Variants in AGBL4 observed in about 807,000 individuals in gnomAD.
The protein encoded by AGBL4 is cytosolic carboxypeptidase 6.
A neutral mutation model predicts 66.4 loss-of-function variants in AGBL4; 58 were observed. The observed-to-expected ratio is 0.87, with a 90% CI of 0.71 to 1.09. AGBL4 has a LOEUF of 1.09. AGBL4 is among the 50% of genes least tolerant of loss of function. The probability of loss-of-function intolerance (pLI) is 0.00; values close to 1 mark genes in which losing one functional copy is unlikely to be tolerated. For missense variants in AGBL4, 579 were observed against 631.0 expected (o/e 0.92, Z 0.88); for synonymous variants, 234 against 222.9 (o/e 1.05, Z -0.44).
chr1:49,707,422 C>T (rs1647293965), intron 2 of AGBL4, among the ~76,000 whole-genome samples: 1 of 144,198 alleles, frequency 6.9e-6, no homozygotes, highest in Non-Finnish European at 1.5e-5. Flanking sequence ...TTCCTAAATC[C>T]CTTTATTTTG....
At chr1:48,885,390 C>T (rs1650222723) in intron 5 of AGBL4, among the ~76,000 whole-genome samples, 1 of 152,078 alleles carries the variant, frequency 6.6e-6, no homozygotes, top group Non-Finnish European at 1.5e-5. Flanking sequence ...TACTCTATTG[C>T]CCTATAAGAA....
In AGBL4 at chr1:49,285,922, T is replaced by C. The variant is rs189157510; in HGVS notation, c.283-40058A>G. ...GAGACACAACCAAAAAAGAGAATTTTACACCAATATCCTTGATGAACATTG... is the reference window on the plus strand; with the variant it reads ...GAGACACAACCAAAAAAGAGAATTTCACACCAATATCCTTGATGAACATTG... On this transcript the variant is annotated intron_variant, in intron 3 of 13. Transcript: ENST00000371839. Among the ~76,000 whole-genome samples, 50 of 152,284 alleles carry C rather than the reference T, an allele frequency of 3.3e-4. No individual in the cohort carries two copies. In the East Asian group the frequency reaches 9.5e-3, roughly 29 times the overall value.
intron 2 of AGBL4, among the ~76,000 whole-genome samples, chr1:49,741,747 T>A (rs1650499872): frequency 6.6e-6 from 1 of 152,198 alleles, no homozygotes; most frequent in Admixed American, 6.5e-5. Flanking sequence ...TGATTCAACA[T>A]ACGAAAATCA....
intron 3 of AGBL4, among the ~76,000 whole-genome samples, chr1:49,652,664 G>C (rs1360862140): frequency 1.3e-5 from 2 of 152,152 alleles, no homozygotes; most frequent in Admixed American, 6.5e-5. Flanking sequence ...CAGCAAGACT[G>C]GGCAATTTGG....
intron 5 of AGBL4, among the ~76,000 whole-genome samples, chr1:48,924,881 A>C (rs185376706): frequency 6.6e-5 from 10 of 152,200 alleles, no homozygotes; most frequent in Non-Finnish European, 2.9e-5. Flanking sequence ...CAACAAAATA[A>C]AATTTTAAAT....
At chr1:48,871,149 A>C (rs1312425789) in intron 5 of AGBL4, among the ~76,000 whole-genome samples, 1 of 152,198 alleles carries the variant, frequency 6.6e-6, no homozygotes, top group Non-Finnish European at 1.5e-5. Context: ...CATGTTGGAC[A>C]TAAAGAATTA....
chr1:48,854,348 T>C (rs1041123451), intron 6 of AGBL4, among the ~76,000 whole-genome samples: 3 of 152,226 alleles, frequency 2.0e-5, no homozygotes, highest in Non-Finnish European at 2.9e-5. Context: ...CCCAAGATCC[T>C]TGGTCACTGG....
rs137941244 is a variant in AGBL4, at chr1:49,032,542, C to T, written c.594+13042G>A. ...GAGGTGGTGTTCAGTGAAGAGGTTA[C>T]ACTGTATTTGGTCAGGCATCACAGG... On this transcript the variant is annotated intron_variant, in intron 5 of 13. Transcript: ENST00000371839. Among the ~76,000 whole-genome samples the T allele has an allele frequency of 4.5e-4, 68 of 152,252 alleles. 1 individual carries two copies. The South Asian group carries it at 9.5e-3, about 21-fold the overall frequency.
At chr1:48,962,126 C>CATCCATCCATCCATCT (rs1324554131) in intron 5 of AGBL4, among the ~76,000 whole-genome samples, 6 of 149,894 alleles carry the variant, frequency 4.0e-5, no homozygotes, top group South Asian at 4.3e-4. Flanking sequence ...TCCATCCATC[C>CATCCATCCATCCATCT]GTCCATCCAT....
At chr1:48,796,499 G>A (rs1645677378) in intron 6 of AGBL4, among the ~76,000 whole-genome samples, 2 of 148,698 alleles carry the variant, frequency 1.3e-5, no homozygotes, top group Admixed American at 1.4e-4. Flanking sequence ...CTCAGACAGT[G>A]TATTGAATTA....
At chr1:49,015,703 C>T (rs1180348515) in intron 5 of AGBL4, among the ~76,000 whole-genome samples, 1 of 152,066 alleles carries the variant, frequency 6.6e-6, no homozygotes, top group African/African-American at 2.4e-5. Flanking sequence ...GGATTACAGG[C>T]TTGAGCCACC....
chr1:49,435,213 G>A (rs1325091999), intron 3 of AGBL4, among the ~76,000 whole-genome samples: 1 of 152,050 alleles, frequency 6.6e-6, no homozygotes, highest in Non-Finnish European at 1.5e-5. Flanking sequence ...CCAGAATTAC[G>A]TCTGATTGTT....
chr1:49,610,997 T>C (rs1434985276), intron 3 of AGBL4, among the ~76,000 whole-genome samples: 1 of 152,232 alleles, frequency 6.6e-6, no homozygotes, highest in Non-Finnish European at 1.5e-5. Context: ...AAGGAAGTAC[T>C]GTAGCTCTAG....
intron 6 of AGBL4, among the ~76,000 whole-genome samples, chr1:48,838,492 G>T (rs1054028616): frequency 3.3e-5 from 5 of 152,062 alleles, no homozygotes; most frequent in African/African-American, 1.2e-4. Context: ...ATATGCAGGA[G>T]AATAAAACTA....
chr1:48,748,121 C>T (rs1038802684), intron 6 of AGBL4, among the ~76,000 whole-genome samples: 1 of 152,086 alleles, frequency 6.6e-6, no homozygotes, highest in Non-Finnish European at 1.5e-5. Flanking sequence ...ATTTTACTGT[C>T]GAGAAGTACC....
intron 1 of AGBL4, among the ~76,000 whole-genome samples, chr1:49,996,697 C>T (rs546934352): frequency 3.3e-5 from 5 of 152,234 alleles, no homozygotes; most frequent in African/African-American, 1.2e-4. Context: ...CATCCAAATA[C>T]AAGAAGCACA....
chr1:49,578,487 C>T (rs1389622634), intron 3 of AGBL4, among the ~76,000 whole-genome samples: 1 of 152,210 alleles, frequency 6.6e-6, no homozygotes, highest in Admixed American at 6.5e-5. Context: ...CCAGCTATGA[C>T]CACATGACCA....
chr1:49,064,547 C>T (rs1336501600), intron 4 of AGBL4, among the ~76,000 whole-genome samples: 3 of 152,214 alleles, frequency 2.0e-5, no homozygotes, highest in African/African-American at 7.2e-5. Context: ...GTCTCTACTT[C>T]CCATGGATTC....
intron 6 of AGBL4, among the ~76,000 whole-genome samples, chr1:48,697,275 C>T (rs889694678): frequency 5.9e-5 from 9 of 152,128 alleles, no homozygotes; most frequent in Non-Finnish European, 1.3e-4. Flanking sequence ...AATGAAAATG[C>T]CCCGTGCTGC....
Sources: gnomAD v4.1 joint callset for allele counts (sites outside exome capture counted in the v4.1 genomes callset) on GRCh38, gnomAD v4.1.1 for gene constraint, MANE v1.5 for transcripts, NCBI Gene and HGNC (gene_info 2026-07-23, HGNC 2026-07-21) for gene names.